Variants in SMAD6 observed in about 807,000 individuals in gnomAD.
SMAD6 encodes MAD homolog 6.
A neutral mutation model predicts 39.4 loss-of-function variants in SMAD6; 103 were observed. That is an observed-to-expected ratio of 2.62 (90% CI 2.23 to 3.08). The LOEUF is 3.08. Among genes scored for constraint, SMAD6 ranks in the 30% most tolerant of loss-of-function variants. The pLI, the probability that SMAD6 is intolerant of heterozygous loss-of-function variation, is 0.00. For missense variants in SMAD6, 1,104 were observed against 742.9 expected (o/e 1.49, Z -5.65); for synonymous variants, 445 against 353.3 (o/e 1.26, Z -2.91).
intron 3 of SMAD6, among the ~76,000 whole-genome samples, chr15:66,733,982 G>A (rs553352828): frequency 6.6e-6 from 1 of 152,330 alleles, no homozygotes; most frequent in South Asian, 2.1e-4. Flanking sequence ...GTTGCACAGA[G>A]GCTGATGAAA....
chr15:66,740,534 C>T (rs1442188538), intron 3 of SMAD6: 1 of 152,200 alleles, frequency 6.6e-6, no homozygotes, highest in Non-Finnish European at 1.5e-5. Flanking sequence ...TCTTCAACCT[C>T]TCTGAGTCTT....
intron 3 of SMAD6, among the ~76,000 whole-genome samples, chr15:66,764,591 C>G (rs924766002): frequency 3.9e-5 from 6 of 152,114 alleles, no homozygotes; most frequent in African/African-American, 1.2e-4. Context: ...ACTATATATC[C>G]TAAGGTGCTG....
chr15:66,753,936 G>T (rs1894053328), intron 3 of SMAD6, among the ~76,000 whole-genome samples: 1 of 152,168 alleles, frequency 6.6e-6, no homozygotes, highest in East Asian at 1.9e-4. Flanking sequence ...AGTGTGCAGG[G>T]TGCCTGGGAG....
intron 3 of SMAD6, among the ~76,000 whole-genome samples, chr15:66,731,164 C>T (rs1283352585): frequency 1.3e-5 from 2 of 151,950 alleles, no homozygotes; most frequent in African/African-American, 2.4e-5. Flanking sequence ...TGAGGCCGGG[C>T]GCGGTGGCTC....
rs770785932 is a variant in SMAD6 at position 66,704,092 on chromosome 15, G to A, written c.817+17G>A. The stretch of plus-strand genomic sequence containing the variant: ...GCGGGCCCGGTGAGCGCGCTGCGCC[G>A]GCCGGGGGGGCCCCGGGTCCCCGTC... On this transcript the variant is annotated intron_variant, in intron 1 of 3. Coordinates refer to ENST00000288840, the MANE Select transcript of SMAD6 (RefSeq NM_005585.5). 9.1e-6 allele frequency: 13 copies of A among 1,431,736 alleles called. No individual in the cohort carries two copies. The highest frequency in any genetic ancestry group is 2.9e-5 in the Admixed American group (1 of 34,736). 88.7% of individuals were successfully genotyped at this position (1,431,736 alleles called of 1,614,324 possible). A position where few individuals can be genotyped will look rare whatever the true frequency, so the allele number is the denominator to read the frequency against.
rs1397609387 is a variant in SMAD6, at chr15:66,782,425, C to T, written c.*890C>T. ...CTGAAATGGGCCTTGAGCCCACCTG[C>T]TACCTTGCAGAGAACCATCTCGAGC... On this transcript the variant is annotated 3_prime_UTR_variant, in exon 4 of 4. Transcript: ENST00000288840. 6.6e-6 allele frequency: 1 copy of T among 152,322 alleles called. No individual in the cohort carries two copies. Among genetic ancestry groups the T allele is most frequent in the African/African-American group, 2.4e-5 (1 of 41,580 alleles). The allele number at this position is 152,322 out of a possible 1,614,324, so 9.4% of individuals were successfully genotyped here. A position where few individuals can be genotyped will look rare whatever the true frequency, so the allele number is the denominator to read the frequency against.
At chr15:66,708,401 C>G in intron 1 of SMAD6, 1 of 206,674 alleles carries the variant, frequency 4.8e-6, no homozygotes, top group Non-Finnish European at 1.0e-5. Flanking sequence ...TGAGGTAATG[C>G]CCTGGGGCTC....
At chr15:66,721,805 A>T (rs1893437946) in intron 3 of SMAD6, among the ~76,000 whole-genome samples, 1 of 152,232 alleles carries the variant, frequency 6.6e-6, no homozygotes, top group South Asian at 2.1e-4. Context: ...GTATTCACAG[A>T]TAGGTAAAGA....
At chr15:66,765,405 A>G (rs1894271237) in intron 3 of SMAD6, among the ~76,000 whole-genome samples, 1 of 151,950 alleles carries the variant, frequency 6.6e-6, no homozygotes, top group African/African-American at 2.4e-5. Flanking sequence ...TTGTATTTTT[A>G]ATAGAGACGG....
intron 3 of SMAD6, among the ~76,000 whole-genome samples, chr15:66,727,167 A>G (rs1478171039): frequency 6.7e-6 from 1 of 150,110 alleles, no homozygotes; most frequent in Non-Finnish European, 1.5e-5. Flanking sequence ...CAGTGGCATG[A>G]TCTCGGCTCA....
intron 1 of SMAD6, chr15:66,708,302 A>G (rs1893159403): frequency 6.1e-6 from 1 of 163,970 alleles, no homozygotes; most frequent in Non-Finnish European, 1.4e-5. Flanking sequence ...AGGGGAGTGG[A>G]CAGAGGGCCT....
chr15:66,705,258 A>C (rs62005620), intron 1 of SMAD6: 36,032 of 151,544 alleles, frequency 0.24, 4,322 homozygotes, highest in Middle Eastern at 0.34. Flanking sequence ...GTTTTGTTTG[A>C]GTGTGGAGTA....
chr15:66,750,988 G>A (rs140347062), intron 3 of SMAD6, among the ~76,000 whole-genome samples: 17 of 152,230 alleles, frequency 1.1e-4, no homozygotes, highest in Admixed American at 3.3e-4. Context: ...GGGCCTCCAC[G>A]TGCTAGGCCA....
intron 3 of SMAD6, among the ~76,000 whole-genome samples, chr15:66,760,467 G>A (rs1382244899): frequency 6.6e-6 from 1 of 152,228 alleles, no homozygotes; most frequent in Non-Finnish European, 1.5e-5. Context: ...GTGAGAACTA[G>A]GTGTGCCTGG....
rs930394324 is a variant in SMAD6, at chr15:66,702,969, G to A, written c.-290G>A. 6.9e-6 allele frequency: 2 copies of A among 291,262 alleles called. No homozygotes were observed. The highest frequency in any genetic ancestry group is 1.6e-4 in the South Asian group (1 of 6,242). The allele number at this position is 291,262 out of a possible 1,614,324, so 18.0% of individuals were successfully genotyped here. ...GCCGCCTGCAGCCCCCCTAAAGCGC[G>A]GGGGCTGGAGTTGTTGAGCAGCCCC... On this transcript the variant is annotated 5_prime_UTR_variant, in exon 1 of 4. Coordinates refer to ENST00000288840, the MANE Select transcript of SMAD6 (RefSeq NM_005585.5).
chr15:66,713,284 C>T (rs1162778962), intron 2 of SMAD6, among the ~76,000 whole-genome samples: 2 of 152,196 alleles, frequency 1.3e-5, no homozygotes, highest in Admixed American at 6.5e-5. Flanking sequence ...AAGGCCTCCT[C>T]CCAGTAGTGT....
intron 3 of SMAD6, among the ~76,000 whole-genome samples, chr15:66,760,061 C>G (rs1486197925): frequency 6.6e-6 from 1 of 152,204 alleles, no homozygotes; most frequent in South Asian, 2.1e-4. Flanking sequence ...CCATGCCGTT[C>G]CCCAAACCTG....
chr15:66,738,918 C>T (rs995734367), intron 3 of SMAD6, among the ~76,000 whole-genome samples: 2 of 152,096 alleles, frequency 1.3e-5, no homozygotes, highest in Non-Finnish European at 2.9e-5. Context: ...GGTCCTGTAT[C>T]ACCTGAGAGT....
chr15:66,775,368 T>C (rs1894449374), intron 3 of SMAD6, among the ~76,000 whole-genome samples: 1 of 152,190 alleles, frequency 6.6e-6, no homozygotes, highest in Admixed American at 6.5e-5. Flanking sequence ...TTTTGTTTAT[T>C]GGTTTTCTGT....
Sources: allele counts gnomAD v4.1 joint callset (sites outside exome capture counted in the v4.1 genomes callset), GRCh38; gene constraint gnomAD v4.1.1; transcripts MANE v1.5; gene names NCBI Gene and HGNC (gene_info 2026-07-23, HGNC 2026-07-21).